The following RGS7 variants were observed in gnomAD, a reference collection of about 807,000 sequenced individuals.
RGS7 encodes the protein regulator of G-protein signaling 7.
A neutral mutation model predicts 81.1 loss-of-function variants in RGS7; 27 were observed. The observed-to-expected ratio is 0.33, with a 90% CI of 0.25 to 0.46. RGS7 has a LOEUF of 0.46. Ranked by LOEUF, RGS7 falls within the 20% of genes least tolerant of loss-of-function variation. RGS7 has a pLI of 1.00. For missense variants in RGS7, 396 were observed against 607.4 expected, an observed-to-expected ratio of 0.65 and a Z score of 3.66; for synonymous variants, 208 against 207.7, an observed-to-expected ratio of 1.00 and a Z score of -0.01.
chr1:241,265,560 C>T (rs2077543088), intron 2 of RGS7, among the ~76,000 whole-genome samples: 1 of 152,142 alleles, frequency 6.6e-6, no homozygotes, highest in Admixed American at 6.5e-5. Context: ...ACGGCTGGGG[C>T]TGGGGACAGG....
At chr1:241,294,735 T>C (rs1018257659) in intron 2 of RGS7, among the ~76,000 whole-genome samples, 6 of 152,344 alleles carry the variant, frequency 3.9e-5, no homozygotes, top group African/African-American at 1.4e-4. Flanking sequence ...CTGTACCTTT[T>C]CTATGTTTGG....
chr1:241,121,710 C>CTTTTTTTT lies in RGS7; in HGVS notation c.79-22956_79-22949dup, dbSNP rs10681773. ...TCTATCCACCTGTGTTGCAATTGTT[C>CTTTTTTTT]TTTTTTTTTTTTTTTTTTTTTTTTT... On this transcript the variant is annotated intron_variant, in intron 2 of 18. Transcript: ENST00000440928. 5.4e-3 allele frequency among the ~76,000 whole-genome samples: 359 copies of CTTTTTTTT among 66,396 alleles called. 41 individuals are homozygous for CTTTTTTTT. The highest frequency in any genetic ancestry group is 6.7e-3 in the East Asian group (12 of 1,804). 43.6% of individuals were successfully genotyped at this position (66,396 alleles called of 152,430 possible).
At chr1:241,268,475 T>C (rs2077707363) in intron 2 of RGS7, among the ~76,000 whole-genome samples, 1 of 152,176 alleles carries the variant, frequency 6.6e-6, no homozygotes, top group African/African-American at 2.4e-5. Context: ...TGGGCCAATG[T>C]TCCCTGGGGT....
intron 3 of RGS7, among the ~76,000 whole-genome samples, chr1:241,010,959 T>C (rs1375679999): frequency 6.6e-6 from 1 of 152,076 alleles, no homozygotes; most frequent in East Asian, 1.9e-4. Context: ...AATGAGATGG[T>C]TTTCATAAAT....
intron 2 of RGS7, among the ~76,000 whole-genome samples, chr1:241,132,738 ATTATTTG>A (rs1455144688): frequency 7.0e-6 from 1 of 142,574 alleles, no homozygotes; most frequent in African/African-American, 2.6e-5. Flanking sequence ...AATTCAACTT[ATTATTTG>A]TTTGTTTGTT....
intron 3 of RGS7, among the ~76,000 whole-genome samples, chr1:241,067,594 A>T (rs1310188782): frequency 1.3e-5 from 2 of 151,144 alleles, no homozygotes; most frequent in Admixed American, 6.6e-5. Context: ...ATCTCGGCTC[A>T]CTGCAACCTC....
chr1:240,848,545 T>C (rs1435102541), intron 9 of RGS7, among the ~76,000 whole-genome samples: 1 of 151,946 alleles, frequency 6.6e-6, no homozygotes, highest in Non-Finnish European at 1.5e-5. Flanking sequence ...CTGTGTAAGA[T>C]ACAAATGTAA....
At chr1:240,887,639 G>T (rs1230475043) in intron 6 of RGS7, among the ~76,000 whole-genome samples, 1 of 152,136 alleles carries the variant, frequency 6.6e-6, no homozygotes, top group African/African-American at 2.4e-5. Flanking sequence ...GCACTGCCAA[G>T]ATTTGTAAAC....
At chr1:241,071,606 T>C (rs1024818895) in intron 3 of RGS7, among the ~76,000 whole-genome samples, 2 of 151,870 alleles carry the variant, frequency 1.3e-5, no homozygotes, top group African/African-American at 4.8e-5. Context: ...GCTCTGCTTA[T>C]CTCACAAGTC....
chr1:240,906,127 G>A (rs16840984), intron 6 of RGS7, among the ~76,000 whole-genome samples: 3,869 of 152,152 alleles, frequency 0.025, 148 homozygotes, highest in African/African-American at 0.084. Context: ...ACTAGATGGA[G>A]ACTAGGAACT....
chr1:240,915,525 G>A (rs1041088693), intron 6 of RGS7, among the ~76,000 whole-genome samples: 4 of 152,178 alleles, frequency 2.6e-5, no homozygotes, highest in Non-Finnish European at 1.5e-5. Flanking sequence ...AAAGACAACA[G>A]CGGGGAATAA....
chr1:241,091,731 T>G (rs1003912005), intron 3 of RGS7, among the ~76,000 whole-genome samples: 3 of 150,334 alleles, frequency 2.0e-5, no homozygotes, highest in Non-Finnish European at 4.4e-5. Context: ...ACAAAAAGTT[T>G]AAAAAATTAG....
chr1:241,106,918 AT>A (rs1224557104), intron 2 of RGS7, among the ~76,000 whole-genome samples: 1 of 150,372 alleles, frequency 6.7e-6, no homozygotes, highest in African/African-American at 2.4e-5. Flanking sequence ...TAAATAAATC[AT>A]TTCTCTCATT....
chr1:241,169,573 G>C (rs2070569319), intron 2 of RGS7, among the ~76,000 whole-genome samples: 1 of 151,926 alleles, frequency 6.6e-6, no homozygotes, highest in African/African-American at 2.4e-5. Flanking sequence ...TTGAACTCCT[G>C]ACCTTGTGAT....
intron 6 of RGS7, among the ~76,000 whole-genome samples, chr1:240,886,594 C>G (rs143129754): frequency 6.6e-6 from 1 of 152,178 alleles, no homozygotes; most frequent in Non-Finnish European, 1.5e-5. Flanking sequence ...CGCTCTCTCC[C>G]TTTCTCTTTC....
chr1:240,855,100 T>TA (rs1210914155), intron 9 of RGS7, among the ~76,000 whole-genome samples: 1 of 152,098 alleles, frequency 6.6e-6, no homozygotes, highest in Non-Finnish European at 1.5e-5. Flanking sequence ...TTACAATCAA[T>TA]ATTCAGTATA....
At chr1:241,159,106 ATGT>A (rs1322786433) in intron 2 of RGS7, among the ~76,000 whole-genome samples, 1 of 152,204 alleles carries the variant, frequency 6.6e-6, no homozygotes, top group African/African-American at 2.4e-5. Flanking sequence ...GGAATAATAA[ATGT>A]TTTTTATCTT....
intron 2 of RGS7, among the ~76,000 whole-genome samples, chr1:241,126,943 T>C (rs960140188): frequency 6.6e-6 from 1 of 152,096 alleles, no homozygotes; most frequent in African/African-American, 2.4e-5. Context: ...CTTCCTTCAT[T>C]CCAGAAACAC....
Position 241,164,658 on chromosome 1 carries a change from G to C in RGS7, c.79-65896C>G, listed in dbSNP as rs2070035434. On this transcript the variant is annotated intron_variant, in intron 2 of 18. Coordinates refer to ENST00000440928, the MANE Select transcript of RGS7 (RefSeq NM_001364886.1). This position sits in a 1 kb window ranked among gnomAD's most constrained non-coding sequence, Gnocchi z 4.1. ...TACCTCATCTTTCAATTTTTCTAGA[G>C]AAGTCAGATATCTGAACATTAATGT... 6.6e-6 allele frequency among the ~76,000 whole-genome samples: 1 copy of C among 152,030 alleles called. No homozygotes were observed. Among genetic ancestry groups the C allele is most frequent in the Non-Finnish European group, 1.5e-5 (1 of 68,004 alleles).
Sources: allele counts gnomAD v4.1 joint callset (sites outside exome capture counted in the v4.1 genomes callset), GRCh38; gene constraint gnomAD v4.1.1; non-coding constraint Gnocchi (gnomAD v3.1); transcripts MANE v1.5; gene names NCBI Gene and HGNC (gene_info 2026-07-23, HGNC 2026-07-21).